Variants in NFATC3 observed in about 807,000 individuals in gnomAD.
The protein encoded by NFATC3 is nuclear factor of activated T-cells, cytoplasmic 3.
In NFATC3, 46 loss-of-function variants were observed where a neutral mutation model predicts 98.6. The ratio of observed to expected loss-of-function variants is 0.47; its 90% CI spans 0.37 to 0.60. The LOEUF (loss-of-function observed/expected upper bound fraction) is 0.60, where lower values mean the gene tolerates loss of function less well. Ranked by LOEUF, NFATC3 falls within the 20% of genes least tolerant of loss-of-function variation. NFATC3 has a pLI of 0.00. For synonymous variants in NFATC3, 512 were observed against 472.2 expected, an observed-to-expected ratio of 1.08 and a Z score of -1.09; for missense variants, 1,256 against 1,295.5, an observed-to-expected ratio of 0.97 and a Z score of 0.47.
chr16:68,158,639 A>G (rs1184247124), intron 4 of NFATC3, among the ~76,000 whole-genome samples: 1 of 152,214 alleles, frequency 6.6e-6, no homozygotes, highest in Non-Finnish European at 1.5e-5. Context: ...GTAGCTGCAT[A>G]AGTCATTAGG....
At chr16:68,131,337 G>A (rs2037102676) in intron 3 of NFATC3, among the ~76,000 whole-genome samples, 2 of 152,154 alleles carry the variant, frequency 1.3e-5, no homozygotes, top group African/African-American at 4.8e-5. Flanking sequence ...GAGTACAGCG[G>A]TGTGATATTG....
At chr16:68,187,200 G>A (rs528216717) in intron 8 of NFATC3, among the ~76,000 whole-genome samples, 229 of 152,330 alleles carry the variant, frequency 1.5e-3, no homozygotes, top group African/African-American at 4.1e-3. Context: ...CAGGGATACC[G>A]CAGGCAGCTT....
intron 1 of NFATC3, chr16:68,088,903 C>A: frequency 1.2e-6 from 1 of 852,408 alleles, no homozygotes; most frequent in Non-Finnish European, 1.4e-6. Context: ...AACTCCTGGG[C>A]TCTCCTGTTC....
rs758889465 is a variant in NFATC3, at chr16:68,126,588, C to G, written c.1379C>G (p.Thr460Ser). The G allele has an allele frequency of 5.0e-6, 8 of 1,614,134 alleles. No homozygotes were observed. The South Asian group carries it at 8.8e-5, about 18-fold the overall frequency. ...AGCCGAGGGGCAGTAAAAGCATCTACTGGGGGACATCCTGTTGTGAAGGTA... is the reference window on the plus strand; with the variant it reads ...AGCCGAGGGGCAGTAAAAGCATCTAGTGGGGGACATCCTGTTGTGAAGGTA... The part of the protein sequence containing the change: ...EGSRGAVKAS[T>S]GGHPVVKLLG... Residue 460 changes from threonine (T) to serine (S), a missense_variant, in exon 3 of 10, where the codon ACT becomes AGT. Around this residue, in one of 3 missense-constraint regions of NFATC3, gnomAD observed 156 missense variants for 212.4 expected, o/e 0.73. Coordinates refer to ENST00000346183, the MANE Select transcript of NFATC3 (RefSeq NM_173165.3).
chr16:68,216,478 C>G (rs904595904), intron 9 of NFATC3, among the ~76,000 whole-genome samples: 5 of 151,940 alleles, frequency 3.3e-5, no homozygotes, highest in African/African-American at 1.2e-4. Flanking sequence ...AAAACATTTC[C>G]TAGAGGAAAC....
At chr16:68,194,687 A>AT (rs976755534) in intron 9 of NFATC3, among the ~76,000 whole-genome samples, 9 of 151,966 alleles carry the variant, frequency 5.9e-5, no homozygotes, top group African/African-American at 7.3e-5. Context: ...ACTTCAGCTC[A>AT]TTTTTTTTAA....
rs182662337 is a variant in NFATC3, at chr16:68,144,660, T to A, written c.1402-13209T>A. Reference sequence around the variant, plus strand: ...GCGCCTAGCCTCAACTTCATTTTTTTATTTTTTTTATTTTTTAGATGGAGT... The same window carrying A: ...GCGCCTAGCCTCAACTTCATTTTTTAATTTTTTTTATTTTTTAGATGGAGT... On this transcript the variant is annotated intron_variant, in intron 3 of 9. Coordinates refer to ENST00000346183, the MANE Select transcript of NFATC3 (RefSeq NM_173165.3). Among the ~76,000 whole-genome samples the A allele has an allele frequency of 1.2e-4, 18 of 152,070 alleles. No homozygotes were observed. The East Asian group carries it at 1.6e-3, about 13-fold the overall frequency.
At chr16:68,140,648 A>ATT (rs553123270) in intron 3 of NFATC3, among the ~76,000 whole-genome samples, 57 of 148,868 alleles carry the variant, frequency 3.8e-4, no homozygotes, top group African/African-American at 1.2e-3. Flanking sequence ...ATGATCATGG[A>ATT]TTTTTTTTTT....
chr16:68,126,151 T>C (rs1567510733), intron 2 of NFATC3, among the ~76,000 whole-genome samples: 1 of 152,216 alleles, frequency 6.6e-6, no homozygotes, highest in Admixed American at 6.5e-5. Context: ...CCCAAAGTGC[T>C]AGGATTACAG....
At chr16:68,220,384 G>A (rs1263987871) in intron 9 of NFATC3, among the ~76,000 whole-genome samples, 1 of 152,036 alleles carries the variant, frequency 6.6e-6, no homozygotes, top group Admixed American at 6.6e-5. Context: ...AATTAGCTGG[G>A]TGGGAGGCAG....
chr16:68,120,699 C>G (rs1014423716), intron 1 of NFATC3, among the ~76,000 whole-genome samples: 8 of 151,996 alleles, frequency 5.3e-5, no homozygotes, highest in Non-Finnish European at 1.0e-4. Flanking sequence ...CGCCACAGCA[C>G]TCCAGCCTGG....
chr16:68,127,859 T>G (rs2036920547), intron 3 of NFATC3, among the ~76,000 whole-genome samples: 2 of 152,178 alleles, frequency 1.3e-5, no homozygotes, highest in Non-Finnish European at 2.9e-5. Context: ...TTTCTACTCT[T>G]TACCTCCTGA....
chr16:68,204,386 T>C (rs1376844269), intron 9 of NFATC3, among the ~76,000 whole-genome samples: 2 of 152,178 alleles, frequency 1.3e-5, no homozygotes, highest in Non-Finnish European at 2.9e-5. Context: ...TGGTAATGAA[T>C]TATGGTTACT....
At chr16:68,216,294 C>T (rs1272117989) in intron 9 of NFATC3, among the ~76,000 whole-genome samples, 3 of 152,130 alleles carry the variant, frequency 2.0e-5, no homozygotes, top group African/African-American at 7.2e-5. Context: ...TTTTAAAATG[C>T]TTCTGAGTCT....
chr16:68,222,290 A>C (rs79310443), intron 9 of NFATC3, among the ~76,000 whole-genome samples: 1,307 of 51,528 alleles, frequency 0.025, 4 homozygotes, highest in African/African-American at 0.16. Context: ...CCCCATTGCC[A>C]AAAAAAAAAA....
At chr16:68,203,238 C>T (rs748377040) in intron 9 of NFATC3, among the ~76,000 whole-genome samples, 1 of 152,026 alleles carries the variant, frequency 6.6e-6, no homozygotes, top group Non-Finnish European at 1.5e-5. Flanking sequence ...TTTTTTATAT[C>T]GAATGCGTCT....
Position 68,196,659 on chromosome 16 carries a change from G to A in NFATC3, c.3106+4884G>A, listed in dbSNP as rs185705823. Among the ~76,000 whole-genome samples the A allele has an allele frequency of 4.6e-3, 702 of 151,630 alleles. 7 individuals carry two copies. Among genetic ancestry groups the A allele is most frequent in the African/African-American group, 0.017 (686 of 41,372 alleles). On this transcript the variant is annotated intron_variant, in intron 9 of 9. Transcript: ENST00000346183. ...CAGTGAGCTGAGATCGCACCACTGC[G>A]CTCCAGCCTGGGTGACAGAGTGAGA...
At chr16:68,219,405 A>T (rs957250152) in intron 9 of NFATC3, among the ~76,000 whole-genome samples, 1 of 152,134 alleles carries the variant, frequency 6.6e-6, no homozygotes, top group Non-Finnish European at 1.5e-5. Flanking sequence ...TAAAAATAAA[A>T]AAATAAATTA....
At chr16:68,164,019 C>T (rs1458361671) in intron 4 of NFATC3, among the ~76,000 whole-genome samples, 9 of 152,026 alleles carry the variant, frequency 5.9e-5, no homozygotes, top group Non-Finnish European at 1.3e-4. Context: ...GCAGAGGCTG[C>T]AATCTCGGCA....
Sources: allele counts gnomAD v4.1 joint callset (sites outside exome capture counted in the v4.1 genomes callset), GRCh38; gene constraint gnomAD v4.1.1; regional missense constraint gnomAD v4.1.1; transcripts MANE v1.5; gene names NCBI Gene and HGNC (gene_info 2026-07-23, HGNC 2026-07-21).